KCNMA1: variants seen among roughly 807,000 people sequenced by gnomAD.
The protein encoded by KCNMA1 is Calcium-activated potassium channel subunit alpha-1.
In KCNMA1, 29 loss-of-function variants were observed where a neutral mutation model predicts 140.0. That is an observed-to-expected ratio of 0.21 (90% CI 0.15 to 0.28). KCNMA1 has a LOEUF of 0.28. Among genes scored for constraint, KCNMA1 ranks in the 10% least tolerant of loss-of-function variants. KCNMA1 has a pLI of 1.00. For missense variants in KCNMA1, 880 were observed against 1,602.2 expected (o/e 0.55, Z 7.70); for synonymous variants, 612 against 611.9 (o/e 1.00, Z 0.00).
At chr10:76,945,005 G>C (rs201024706) in intron 22 of KCNMA1, 40 bp from the exon 23 acceptor site, 2 of 1,549,128 alleles carry the variant, frequency 1.3e-6, no homozygotes, top group Admixed American at 1.7e-5. Flanking sequence ...GAGATGGGGG[G>C]AGAAAGAGAC....
intron 1 of KCNMA1, among the ~76,000 whole-genome samples, chr10:77,614,636 C>T (rs1347912474): frequency 6.6e-6 from 1 of 152,162 alleles, no homozygotes; most frequent in East Asian, 1.9e-4. Flanking sequence ...GGTCTTCACC[C>T]TACATGTAAT....
intron 2 of KCNMA1, among the ~76,000 whole-genome samples, chr10:77,290,360 T>C (rs1319246794): frequency 4.6e-5 from 7 of 152,192 alleles, no homozygotes; most frequent in Non-Finnish European, 1.0e-4. Flanking sequence ...AAAAAGGGCA[T>C]GGAGGATGTC....
intron 18 of KCNMA1, among the ~76,000 whole-genome samples, chr10:77,002,615 C>G (rs1229624460): frequency 6.6e-6 from 1 of 152,178 alleles, no homozygotes; most frequent in Non-Finnish European, 1.5e-5. Context: ...ATGGTAGGTT[C>G]TGCACTGCCT....
At chr10:77,327,217 C>T (rs945245676) in intron 2 of KCNMA1, among the ~76,000 whole-genome samples, 2 of 151,752 alleles carry the variant, frequency 1.3e-5, no homozygotes, top group Non-Finnish European at 2.9e-5. Context: ...TCTGGGTCCA[C>T]ACTTGCACAC....
chr10:77,069,812 T>G (rs2096121887), intron 14 of KCNMA1, among the ~76,000 whole-genome samples: 1 of 152,084 alleles, frequency 6.6e-6, no homozygotes, highest in Non-Finnish European at 1.5e-5. Flanking sequence ...AGTCCCTCTT[T>G]CTTTTTCTTT....
intron 14 of KCNMA1, among the ~76,000 whole-genome samples, chr10:77,058,950 C>T (rs1268454226): frequency 1.3e-5 from 2 of 151,572 alleles, no homozygotes; most frequent in African/African-American, 4.8e-5. Context: ...TAACAAAGAT[C>T]AGCAAACTTT....
At chr10:77,043,546 T>A (rs554843494) in intron 14 of KCNMA1, among the ~76,000 whole-genome samples, 1 of 152,200 alleles carries the variant, frequency 6.6e-6, no homozygotes, top group African/African-American at 2.4e-5. Flanking sequence ...TGTACACTCA[T>A]GCTCACAGCA....
At chr10:77,528,922 T>C (rs998369065) in intron 1 of KCNMA1, among the ~76,000 whole-genome samples, 5 of 152,146 alleles carry the variant, frequency 3.3e-5, no homozygotes, top group African/African-American at 1.2e-4. Context: ...TCACAGGTTC[T>C]CAGGCTGGAT....
chr10:77,353,282 T>C (rs1337056989), intron 2 of KCNMA1, among the ~76,000 whole-genome samples: 3 of 152,072 alleles, frequency 2.0e-5, no homozygotes, highest in African/African-American at 7.2e-5. Context: ...AACCCTTCCC[T>C]GAGAGCCACT....
intron 2 of KCNMA1, among the ~76,000 whole-genome samples, chr10:77,347,555 G>T (rs1044935155): frequency 6.6e-6 from 1 of 152,158 alleles, no homozygotes; most frequent in African/African-American, 2.4e-5. Flanking sequence ...AGAGGCCAGG[G>T]TTTGACTCCT....
rs565822472 is a variant in KCNMA1, at chr10:77,428,862, C to T, written c.379-24839G>A. 2.6e-4 allele frequency among the ~76,000 whole-genome samples: 40 copies of T among 152,244 alleles called. No individual in the cohort carries two copies. In the South Asian group the frequency reaches 8.1e-3, roughly 31 times the overall value. ...CTTCTTGGAATCTGAGCTCTGTCTG[C>T]GGGAACTGCTCCTGGCAGGCAGTGG... On this transcript the variant is annotated intron_variant, in intron 1 of 27. Coordinates refer to ENST00000286628, the MANE Select transcript of KCNMA1 (RefSeq NM_001161352.2).
At chr10:77,315,184 T>C (rs2080494313) in intron 2 of KCNMA1, among the ~76,000 whole-genome samples, 1 of 152,162 alleles carries the variant, frequency 6.6e-6, no homozygotes, top group Non-Finnish European at 1.5e-5. Context: ...GCCCATTTCT[T>C]TTCATTATGT....
At chr10:77,298,883 C>T (rs1013291892) in intron 2 of KCNMA1, among the ~76,000 whole-genome samples, 3 of 152,190 alleles carry the variant, frequency 2.0e-5, no homozygotes, top group Non-Finnish European at 2.9e-5. Flanking sequence ...TGTGGACAAT[C>T]GGGGAAGGAG....
At chr10:77,509,908 T>C (rs911792286) in intron 1 of KCNMA1, among the ~76,000 whole-genome samples, 1 of 152,080 alleles carries the variant, frequency 6.6e-6, no homozygotes, top group African/African-American at 2.4e-5. Flanking sequence ...GATCATTAGT[T>C]GTCAAACACC....
In KCNMA1 at chr10:77,327,620, G is replaced by T. The variant is rs557469639; in HGVS notation, c.540+76242C>A. Among the ~76,000 whole-genome samples, 15 of 152,210 alleles carry T rather than the reference G, an allele frequency of 9.9e-5. No individual in the cohort carries two copies. The South Asian group carries it at 2.9e-3, about 30-fold the overall frequency. On this transcript the variant is annotated intron_variant, in intron 2 of 27. Coordinates refer to ENST00000286628, the MANE Select transcript of KCNMA1 (RefSeq NM_001161352.2). ...TCTGCCTGCCTCAGCCTCTCAAAGT[G>T]CTAGGATTACAGGTGTGAGCCACCT...
chr10:77,172,714 A>G (rs913698516), intron 5 of KCNMA1, among the ~76,000 whole-genome samples: 4 of 143,868 alleles, frequency 2.8e-5, no homozygotes, highest in Admixed American at 7.0e-5. Context: ...AAAAAAAAAA[A>G]GCTCAAGCCA....
chr10:77,631,994 G>A (rs2093272028), intron 1 of KCNMA1, among the ~76,000 whole-genome samples: 2 of 152,222 alleles, frequency 1.3e-5, no homozygotes, highest in Admixed American at 1.3e-4. Context: ...ATTTGCAGGT[G>A]AGGAAACTGA....
At chr10:77,411,453 A>G (rs1394325667) in intron 1 of KCNMA1, among the ~76,000 whole-genome samples, 1 of 152,218 alleles carries the variant, frequency 6.6e-6, no homozygotes, top group East Asian at 1.9e-4. Context: ...TAGTAACTCT[A>G]TGACGTTGGT....
At chr10:76,920,020 GTATATA>G (rs1169838049) in intron 23 of KCNMA1, among the ~76,000 whole-genome samples, 643 of 34,368 alleles carry the variant, frequency 0.019, 24 homozygotes, top group African/African-American at 0.065. Flanking sequence ...GTGTGTGTGT[GTATATA>G]TATATATATA....
Sources: gnomAD v4.1 joint callset for allele counts (sites outside exome capture counted in the v4.1 genomes callset) on GRCh38, gnomAD v4.1.1 for gene constraint, MANE v1.5 for transcripts, NCBI Gene and HGNC (gene_info 2026-07-23, HGNC 2026-07-21) for gene names.